Variants in SLC24A2 observed in about 807,000 individuals in gnomAD.
The protein encoded by SLC24A2 is solute carrier family 24 member 2.
Under a neutral mutation model 62.0 loss-of-function variants are expected in SLC24A2, and 36 were observed. That is an observed-to-expected ratio of 0.58 (90% CI 0.44 to 0.77). The LOEUF (loss-of-function observed/expected upper bound fraction) is 0.77, where lower values mean the gene tolerates loss of function less well. Ranked by LOEUF, SLC24A2 falls within the 30% of genes least tolerant of loss-of-function variation. The pLI is 0.00. For missense variants in SLC24A2, 846 were observed against 817.9 expected, an observed-to-expected ratio of 1.03 and a Z score of -0.42; for synonymous variants, 358 against 294.0, an observed-to-expected ratio of 1.22 and a Z score of -2.23.
intron 2 of SLC24A2, among the ~76,000 whole-genome samples, chr9:19,738,432 T>C (rs1821573562): frequency 1.3e-5 from 2 of 152,074 alleles, no homozygotes; most frequent in African/African-American, 4.8e-5. Flanking sequence ...CTTTAATAAA[T>C]GTATTGTGGT....
At chr9:20,136,695 T>G in the SLC24A2 span, among the ~76,000 whole-genome samples, 1 of 152,138 alleles carries the variant, frequency 6.6e-6, no homozygotes, top group Non-Finnish European at 1.5e-5. Context: ...TAATGATAAC[T>G]GATCACAGCT....
chr9:20,194,781 G>A, the SLC24A2 span, among the ~76,000 whole-genome samples: 2 of 151,666 alleles, frequency 1.3e-5, no homozygotes, highest in Non-Finnish European at 2.9e-5. Context: ...ATTAAATGCA[G>A]AAAAATAGAG....
chr9:19,809,809 C>A, the SLC24A2 span, among the ~76,000 whole-genome samples: 1 of 152,042 alleles, frequency 6.6e-6, no homozygotes, highest in African/African-American at 2.4e-5. Flanking sequence ...CTATAACTTC[C>A]GTTGCATCAG....
the SLC24A2 span, among the ~76,000 whole-genome samples, chr9:20,179,799 G>T: frequency 1.3e-5 from 2 of 152,168 alleles, no homozygotes; most frequent in Non-Finnish European, 2.9e-5. Context: ...GTTTTGAATT[G>T]CAGAGTGTGC....
intron 7 of SLC24A2, among the ~76,000 whole-genome samples, chr9:19,565,263 A>C (rs1835600044): frequency 6.6e-6 from 1 of 151,510 alleles, no homozygotes; most frequent in Admixed American, 6.6e-5. Flanking sequence ...CAACTTCAGC[A>C]AAGTCTCAGG....
intron 2 of SLC24A2, among the ~76,000 whole-genome samples, chr9:19,675,674 C>T (rs1420750583): frequency 6.6e-6 from 1 of 152,144 alleles, no homozygotes; most frequent in Non-Finnish European, 1.5e-5. Flanking sequence ...AGCTCCTACA[C>T]AATCCCCAAA....
At chr9:19,774,516 T>A (rs1019945346) in intron 2 of SLC24A2, among the ~76,000 whole-genome samples, 8 of 152,158 alleles carry the variant, frequency 5.3e-5, no homozygotes, top group Non-Finnish European at 7.4e-5. Flanking sequence ...AGTGGTTCAA[T>A]ATATATTTGG....
chr9:19,619,182 A>G (rs377469877), intron 4 of SLC24A2, among the ~76,000 whole-genome samples: 2 of 152,172 alleles, frequency 1.3e-5, no homozygotes, highest in South Asian at 4.1e-4. Context: ...TAAATCATAG[A>G]GTTCTTTTTC....
the SLC24A2 span, among the ~76,000 whole-genome samples, chr9:20,162,201 A>G: frequency 6.6e-6 from 1 of 151,696 alleles, no homozygotes. Context: ...CCAGTTTCAC[A>G]GCTATGTTAT....
At chr9:20,301,676 C>T in the SLC24A2 span, among the ~76,000 whole-genome samples, 9 of 151,354 alleles carry the variant, frequency 5.9e-5, no homozygotes, top group Admixed American at 3.3e-4. Context: ...ACATGCAGAG[C>T]CTCCTCCATT....
At chr9:19,539,406 C>A (rs1479329899) in intron 8 of SLC24A2, among the ~76,000 whole-genome samples, 4 of 151,748 alleles carry the variant, frequency 2.6e-5, no homozygotes, top group African/African-American at 9.7e-5. Context: ...TATGTGGTGT[C>A]TTTGTTCTCG....
the SLC24A2 span, among the ~76,000 whole-genome samples, chr9:20,001,083 C>G: frequency 3.3e-5 from 5 of 152,150 alleles, no homozygotes; most frequent in African/African-American, 1.2e-4. Flanking sequence ...CAATCAAATG[C>G]AAACGTGGCA....
At chr9:20,041,465 G>A in the SLC24A2 span, among the ~76,000 whole-genome samples, 1 of 152,220 alleles carries the variant, frequency 6.6e-6, no homozygotes, top group Admixed American at 6.5e-5. Context: ...TGCATGCCCA[G>A]CCAATGGCCT....
the SLC24A2 span, among the ~76,000 whole-genome samples, chr9:20,250,987 T>C: frequency 6.6e-6 from 1 of 152,166 alleles, no homozygotes; most frequent in Non-Finnish European, 1.5e-5. Context: ...GATGAGCTAC[T>C]CAAAATAGGC....
chr9:19,656,539 T>A (rs1443616260), intron 2 of SLC24A2, among the ~76,000 whole-genome samples: 1 of 152,210 alleles, frequency 6.6e-6, no homozygotes, highest in Admixed American at 6.5e-5. Context: ...GAAATCCTTC[T>A]CCTCAAGTAT....
At chr9:19,532,347 C>A (rs767574340) in intron 8 of SLC24A2, among the ~76,000 whole-genome samples, 4 of 152,114 alleles carry the variant, frequency 2.6e-5, no homozygotes, top group Non-Finnish European at 5.9e-5. Flanking sequence ...CCTCCTGCCT[C>A]GGCTTCCCAA....
chr9:19,510,239 G>A lies in SLC24A2; in HGVS notation c.*5914C>T, dbSNP rs1478305310. On this transcript the variant is annotated 3_prime_UTR_variant, in exon 11 of 11. Coordinates refer to ENST00000341998, the MANE Select transcript of SLC24A2 (RefSeq NM_020344.4). ...GACAGTGATTATCATTAGTCATAAG[G>A]TTCCATCATTTAAGAACAATATAAA... 4 of 151,942 alleles carry A rather than the reference G, an allele frequency of 2.6e-5. No homozygotes were observed. Among genetic ancestry groups the A allele is most frequent in the Non-Finnish European group, 5.9e-5 (4 of 68,000 alleles). 9.4% of individuals were successfully genotyped at this position (151,942 alleles called of 1,614,324 possible).
chr9:19,782,050 C>T (rs1487321681), intron 2 of SLC24A2, among the ~76,000 whole-genome samples: 1 of 152,174 alleles, frequency 6.6e-6, no homozygotes, highest in Admixed American at 6.5e-5. Context: ...GTCTGGCCCT[C>T]CAACTATCCA....
chr9:19,603,619 T>G (rs1022949136), intron 4 of SLC24A2, among the ~76,000 whole-genome samples: 1 of 152,118 alleles, frequency 6.6e-6, no homozygotes, highest in African/African-American at 2.4e-5. Context: ...CTGCTCCATT[T>G]CCACTGCCCT....
Sources: allele counts gnomAD v4.1 joint callset (sites outside exome capture counted in the v4.1 genomes callset), GRCh38; gene constraint gnomAD v4.1.1; transcripts MANE v1.5; gene names NCBI Gene and HGNC (gene_info 2026-07-23, HGNC 2026-07-21).